The following GCNT1 variants were observed in gnomAD, a reference collection of about 807,000 sequenced individuals.
GCNT1 encodes the protein beta-1,3-galactosyl-O-glycosyl-glycoprotein beta-1,6-N-acetylglucosaminyltransferase.
A neutral mutation model predicts 26.2 loss-of-function variants in GCNT1; 16 were observed. The ratio of observed to expected loss-of-function variants is 0.61; its 90% CI spans 0.41 to 0.93. The LOEUF is 0.93. Among genes scored for constraint, GCNT1 ranks in the 40% least tolerant of loss-of-function variants. The probability of loss-of-function intolerance (pLI) is 0.00; values close to 1 mark genes in which losing one functional copy is unlikely to be tolerated. For synonymous variants in GCNT1, 183 were observed against 190.8 expected (o/e 0.96, Z 0.34); for missense variants, 477 against 526.7 (o/e 0.91, Z 0.92).
intron 2 of GCNT1, among the ~76,000 whole-genome samples, chr9:76,464,418 T>C (rs1012956526): frequency 3.3e-5 from 5 of 152,172 alleles, no homozygotes; most frequent in Admixed American, 6.5e-5. Context: ...GGTTTTGCCA[T>C]GTTGCCCAGG....
At chr9:76,433,586 C>A (rs753119977) in intron 1 of GCNT1, among the ~76,000 whole-genome samples, 4 of 152,142 alleles carry the variant, frequency 2.6e-5, no homozygotes, top group African/African-American at 2.4e-5. Context: ...GCCCACACAC[C>A]CCCTCCTGCC....
the GCNT1 span, among the ~76,000 whole-genome samples, chr9:76,396,843 A>G: frequency 3.3e-5 from 5 of 152,188 alleles, no homozygotes; most frequent in African/African-American, 1.2e-4. Context: ...TGTCTCAGCC[A>G]GGTGGTGGTG....
rs139994032 is a variant in GCNT1 at position 76,483,101 on chromosome 9, A to G, written c.-289-17815A>G. Among the ~76,000 whole-genome samples, 298 of 152,308 alleles carry G rather than the reference A, an allele frequency of 2.0e-3. 1 individual carries two copies. The highest frequency in any genetic ancestry group is 6.9e-3 in the African/African-American group (288 of 41,580). ...ATAGTATCTTACATGATGTCATTAA[A>G]GTGAAATATAGTCCTACCGAAACAG... is the stretch of plus-strand genomic sequence containing the variant. On this transcript the variant is annotated intron_variant, in intron 2 of 3. Transcript: ENST00000376730.
intron 2 of GCNT1, among the ~76,000 whole-genome samples, chr9:76,490,674 C>A (rs1824708124): frequency 6.6e-6 from 1 of 152,202 alleles, no homozygotes; most frequent in Non-Finnish European, 1.5e-5. Flanking sequence ...ATAGATGGCT[C>A]CTTCCTGATT....
intron 1 of GCNT1, among the ~76,000 whole-genome samples, chr9:76,433,893 C>T (rs1024216734): frequency 6.6e-5 from 10 of 152,204 alleles, no homozygotes; most frequent in African/African-American, 2.4e-4. Flanking sequence ...CAGTGAACCT[C>T]CTCATATCCC....
chr9:76,468,222 G>C (rs573304752), intron 2 of GCNT1, among the ~76,000 whole-genome samples: 1 of 152,110 alleles, frequency 6.6e-6, no homozygotes, highest in Non-Finnish European at 1.5e-5. Flanking sequence ...TGTCTTGTAC[G>C]GTGAATGTGG....
chr9:76,483,064 T>C (rs1824465586), intron 2 of GCNT1, among the ~76,000 whole-genome samples: 1 of 152,190 alleles, frequency 6.6e-6, no homozygotes, highest in Admixed American at 6.5e-5. Context: ...ATATTTGTAT[T>C]ACAATGTAAT....
chr9:76,451,537 T>C (rs1172293314), intron 1 of GCNT1, among the ~76,000 whole-genome samples: 2 of 152,156 alleles, frequency 1.3e-5, no homozygotes, highest in African/African-American at 4.8e-5. Flanking sequence ...CAAAAATCAG[T>C]TGTTTAAGGG....
chr9:76,447,398 C>T (rs1823595084), intron 1 of GCNT1, among the ~76,000 whole-genome samples: 1 of 151,626 alleles, frequency 6.6e-6, no homozygotes, highest in Non-Finnish European at 1.5e-5. Flanking sequence ...CACCACCACG[C>T]CCCAGCTAAT....
chr9:76,401,344 T>C, the GCNT1 span, among the ~76,000 whole-genome samples: 2 of 152,334 alleles, frequency 1.3e-5, no homozygotes, highest in South Asian at 2.1e-4. Context: ...TAGCACACTA[T>C]AGCCTCGAAA....
upstream of GCNT1, among the ~76,000 whole-genome samples, chr9:76,437,664 G>A (rs1360692533): frequency 6.6e-6 from 1 of 152,066 alleles, no homozygotes; most frequent in Non-Finnish European, 1.5e-5. Context: ...TCTTTCTTTT[G>A]TGAGATCCAA....
At chr9:76,430,114 T>C (rs573663463) in intron 1 of GCNT1, among the ~76,000 whole-genome samples, 2 of 152,272 alleles carry the variant, frequency 1.3e-5, no homozygotes, top group African/African-American at 4.8e-5. Context: ...ACTCTAGCCT[T>C]TGGTGGCAAA....
chr9:76,422,554 G>A (rs141984527), intron 1 of GCNT1, among the ~76,000 whole-genome samples: 1,691 of 151,994 alleles, frequency 0.011, 16 homozygotes, highest in Non-Finnish European at 0.018. Flanking sequence ...TTTTGTTTTG[G>A]TTTTTTTGAG....
At chr9:76,399,642 C>G in the GCNT1 span, 1 of 930,910 alleles carries the variant, frequency 1.1e-6, no homozygotes, top group South Asian at 1.5e-5. Context: ...GGAAAATAAA[C>G]ATCAGTTTCT....
At position 76,503,218 on chromosome 9, in the gene GCNT1, A is replaced by G; in HGVS notation, c.837A>G (p.Glu279=). ...TGTVKMLPPL[E]TPLFSGSAYF... ...CTGTCAAAATGCTTCCTCCACTCGAAACACCTCTCTTTTCTGGCAGTGCCT... is the reference window on the plus strand; with the variant it reads ...CTGTCAAAATGCTTCCTCCACTCGAGACACCTCTCTTTTCTGGCAGTGCCT... Residue 279 remains glutamate (E), a synonymous_variant, in exon 4 of 4, where the codon GAA becomes GAG. Coordinates refer to ENST00000376730, the MANE Select transcript of GCNT1 (RefSeq NM_001490.5). 6.2e-7 allele frequency: 1 copy of G among 1,614,148 alleles called. No homozygotes were observed. Among genetic ancestry groups the G allele is most frequent in the Middle Eastern group, 1.6e-4 (1 of 6,062 alleles).
At chr9:76,472,009 G>T (rs1824142222) in intron 2 of GCNT1, among the ~76,000 whole-genome samples, 1 of 152,092 alleles carries the variant, frequency 6.6e-6, no homozygotes, top group South Asian at 2.1e-4. Flanking sequence ...GGGCATGGTG[G>T]CTCAGCCTGT....
At chr9:76,404,895 G>T in the GCNT1 span, among the ~76,000 whole-genome samples, 45,067 of 151,380 alleles carry the variant, frequency 0.3, 6,893 homozygotes, top group East Asian at 0.38. Context: ...TCAGCTCACT[G>T]CAATCTCCAC....
intron 1 of GCNT1, among the ~76,000 whole-genome samples, chr9:76,430,491 TC>T (rs1390900588): frequency 6.6e-6 from 1 of 151,970 alleles, no homozygotes; most frequent in East Asian, 1.9e-4. Context: ...AAGTGATCCT[TC>T]CACCTCAGCC....
chr9:76,406,390 G>T, the GCNT1 span, among the ~76,000 whole-genome samples: 3 of 151,760 alleles, frequency 2.0e-5, no homozygotes, highest in African/African-American at 7.3e-5. Flanking sequence ...CCAGCTACTT[G>T]GGAGGCTGAG....
Sources: allele counts gnomAD v4.1 joint callset (sites outside exome capture counted in the v4.1 genomes callset), GRCh38; gene constraint gnomAD v4.1.1; transcripts MANE v1.5; gene names NCBI Gene and HGNC (gene_info 2026-07-23, HGNC 2026-07-21).